Variants in SOX5 observed in about 807,000 individuals in gnomAD.
SOX5 encodes the protein SRY-box transcription factor 5.
Under a neutral mutation model 92.0 loss-of-function variants are expected in SOX5, and 9 were observed. The observed-to-expected ratio is 0.10, with a 90% confidence interval of 0.06 to 0.17. The LOEUF is 0.17. Ranked by LOEUF, SOX5 falls within the 10% of genes least tolerant of loss-of-function variation. SOX5 has a pLI of 1.00. For missense variants in SOX5, 642 were observed against 944.5 expected, an observed-to-expected ratio of 0.68 and a Z score of 4.20; for synonymous variants, 344 against 336.3, an observed-to-expected ratio of 1.02 and a Z score of -0.25.
chr12:24,530,527 C>A (rs1424519444), intron 1 of SOX5, among the ~76,000 whole-genome samples: 1 of 152,142 alleles, frequency 6.6e-6, no homozygotes, highest in African/African-American at 2.4e-5. Flanking sequence ...CTGGCGTGCA[C>A]CTGTAGTCCC....
intron 1 of SOX5, among the ~76,000 whole-genome samples, chr12:24,483,369 A>G (rs1946198372): frequency 1.3e-5 from 2 of 152,076 alleles, no homozygotes; most frequent in Non-Finnish European, 1.5e-5. Context: ...TAAATCACTC[A>G]CCCCAGAAAC....
In SOX5 at chr12:23,875,783, T is replaced by G. The variant is rs529363167; in HGVS notation, c.270+20010A>C. ...CTGTTTAAGCAGTGGATGCTGAATT[T>G]TATCAAAGACCTTTTTGAGAATTTT... is the stretch of plus-strand genomic sequence containing the variant. On this transcript the variant is annotated intron_variant, in intron 2 of 14. Coordinates refer to ENST00000451604, the MANE Select transcript of SOX5 (RefSeq NM_006940.6). 3.3e-5 allele frequency among the ~76,000 whole-genome samples: 5 copies of G among 152,320 alleles called. No homozygotes were observed. In the East Asian group the frequency reaches 9.6e-4, roughly 29 times the overall value.
At chr12:23,979,352 T>C (rs901736980) in intron 4 of SOX5, among the ~76,000 whole-genome samples, 1 of 151,976 alleles carries the variant, frequency 6.6e-6, no homozygotes, top group East Asian at 1.9e-4. Flanking sequence ...GCCTCCTGAG[T>C]AGTTGGGATT....
chr12:24,011,269 A>G (rs1210497686), intron 4 of SOX5, among the ~76,000 whole-genome samples: 2 of 152,182 alleles, frequency 1.3e-5, no homozygotes, highest in African/African-American at 4.8e-5. Flanking sequence ...ACATGCGCAC[A>G]TGCATACACA....
intron 4 of SOX5, among the ~76,000 whole-genome samples, chr12:24,069,520 C>G (rs1941432956): frequency 6.6e-6 from 1 of 152,006 alleles, no homozygotes; most frequent in African/African-American, 2.4e-5. Context: ...AGTGGAGAAC[C>G]AATATCGGAA....
intron 3 of SOX5, among the ~76,000 whole-genome samples, chr12:23,803,797 C>G (rs1273849790): frequency 6.6e-6 from 1 of 152,126 alleles, no homozygotes; most frequent in Non-Finnish European, 1.5e-5. Context: ...TAAGAAAGTC[C>G]TTCCCAGAAT....
At chr12:23,571,230 T>A (rs1011961912) in intron 10 of SOX5, among the ~76,000 whole-genome samples, 4 of 151,706 alleles carry the variant, frequency 2.6e-5, no homozygotes, top group African/African-American at 9.7e-5. Context: ...CTCCTTTAAG[T>A]CATCGTGTCT....
intron 1 of SOX5, among the ~76,000 whole-genome samples, chr12:24,406,216 C>T (rs768317322): frequency 1.1e-4 from 16 of 152,118 alleles, no homozygotes; most frequent in Non-Finnish European, 2.2e-4. Flanking sequence ...CGGCGGTATT[C>T]ACAAGACACC....
intron 4 of SOX5, among the ~76,000 whole-genome samples, chr12:24,046,749 G>A (rs951106273): frequency 2.1e-5 from 3 of 144,456 alleles, no homozygotes; most frequent in South Asian, 2.2e-4. Flanking sequence ...GTGCGATCTC[G>A]GCTCACTGCA....
chr12:24,050,084 CAAAAAAA>C (rs10687571), intron 4 of SOX5, among the ~76,000 whole-genome samples: 8 of 74,256 alleles, frequency 1.1e-4, no homozygotes, highest in South Asian at 7.3e-4. Flanking sequence ...GGCGCAGAGG[CAAAAAAA>C]AAAAAAAAAA....
chr12:23,843,610 C>T (rs981731391), intron 3 of SOX5, among the ~76,000 whole-genome samples: 26 of 114,236 alleles, frequency 2.3e-4, no homozygotes, highest in Admixed American at 8.0e-4. Context: ...GTTGCCCAGG[C>T]TGGTGTGCAG....
At chr12:24,006,752 GGCT>G (rs955617310) in intron 4 of SOX5, among the ~76,000 whole-genome samples, 2 of 150,128 alleles carry the variant, frequency 1.3e-5, no homozygotes, top group African/African-American at 4.9e-5. Flanking sequence ...TTTGTATAAT[GGCT>G]GTTTTAAAAA....
chr12:24,342,548 C>T lies in SOX5; in HGVS notation c.-174+26015G>A, dbSNP rs1045600797. Among the ~76,000 whole-genome samples the T allele has an allele frequency of 5.3e-5, 8 of 152,274 alleles. No individual in the cohort carries two copies. In the South Asian group the frequency reaches 1.2e-3, roughly 24 times the overall value. The stretch of plus-strand genomic sequence containing the variant: ...AAACTTGACATAATCCTATGATCTC[C>T]CCTTTTCCTTCATATCCAATCGGCC... On this transcript the variant is annotated intron_variant, in intron 2 of 4. Coordinates refer to the SOX5 transcript ENST00000446891.
intron 2 of SOX5, among the ~76,000 whole-genome samples, chr12:23,846,550 T>G (rs980449013): frequency 6.6e-6 from 1 of 152,224 alleles, no homozygotes; most frequent in Non-Finnish European, 1.5e-5. Context: ...GATTTGTTTA[T>G]TTTCCTGCTT....
intron 6 of SOX5, among the ~76,000 whole-genome samples, chr12:23,729,469 C>G (rs918946182): frequency 8.5e-5 from 13 of 152,198 alleles, no homozygotes; most frequent in Non-Finnish European, 1.5e-4. Context: ...GCAATGCACA[C>G]TGCCAAACTA....
At chr12:24,106,443 C>T (rs1419978351) in intron 4 of SOX5, among the ~76,000 whole-genome samples, 1 of 152,054 alleles carries the variant, frequency 6.6e-6, no homozygotes, top group Non-Finnish European at 1.5e-5. Context: ...TAAAATAATT[C>T]ATGTGAAATG....
intron 8 of SOX5, among the ~76,000 whole-genome samples, chr12:23,619,665 G>T (rs2076957503): frequency 1.3e-5 from 2 of 152,130 alleles, no homozygotes; most frequent in Admixed American, 6.6e-5. Context: ...TAGTATTGGG[G>T]ATGCAGAACA....
At chr12:24,385,732 GT>G in intron 1 of SOX5, among the ~76,000 whole-genome samples, 1 of 152,078 alleles carries the variant, frequency 6.6e-6, no homozygotes, top group South Asian at 2.1e-4. Context: ...GAGCTCAGGA[GT>G]TTGAGACCAG....
At chr12:24,348,049 C>CAAAAAA (rs1182462748) in intron 2 of SOX5, among the ~76,000 whole-genome samples, 900 of 72,162 alleles carry the variant, frequency 0.012, 10 homozygotes, top group African/African-American at 0.027. Flanking sequence ...TACAGCTAAT[C>CAAAAAA]AAAAAAAAAA....
Sources: gnomAD v4.1 joint callset for allele counts (sites outside exome capture counted in the v4.1 genomes callset) on GRCh38, gnomAD v4.1.1 for gene constraint, MANE v1.5 for transcripts, NCBI Gene and HGNC (gene_info 2026-07-23, HGNC 2026-07-21) for gene names.